LGALS4: variants seen among roughly 807,000 people sequenced by gnomAD.
The protein encoded by LGALS4 is galectin 4.
LGALS4 carries 37 observed loss-of-function variants against 39.6 expected under a neutral mutation model. The ratio of observed to expected loss-of-function variants is 0.93; its 90% CI spans 0.72 to 1.23. LGALS4 has a LOEUF of 1.23. LGALS4 is among the 50% of genes most tolerant of loss of function. The pLI is 0.00. For missense variants in LGALS4, 397 were observed against 433.2 expected (o/e 0.92, Z 0.74); for synonymous variants, 160 against 165.5 (o/e 0.97, Z 0.25).
Position 38,801,922 on chromosome 19 carries a change from AG to A in LGALS4, c.826-13del, listed in dbSNP as rs1971360811. On this transcript the variant is annotated splice_polypyrimidine_tract_variant and intron_variant, in intron 9 of 9. Coordinates refer to ENST00000307751, the MANE Select transcript of LGALS4 (RefSeq NM_006149.4). ...CAGCGAATGGACAGCTGCAGGGAGAAGGGTGGGCATGAGGCCAGGGCCAGGA... is the reference window on the plus strand; with the variant it reads ...CAGCGAATGGACAGCTGCAGGGAGAAGGTGGGCATGAGGCCAGGGCCAGGA... 2.5e-6 allele frequency: 4 copies of A among 1,614,022 alleles called. No homozygotes were observed. Among genetic ancestry groups the A allele is most frequent in the Non-Finnish European group, 3.4e-6 (4 of 1,179,998 alleles).
intron 4 of LGALS4, among the ~76,000 whole-genome samples, chr19:38,805,166 A>AAATT (rs1555719648): frequency 2.2e-4 from 27 of 121,090 alleles, no homozygotes; most frequent in African/African-American, 8.8e-4. Flanking sequence ...CCTGCCTCAA[A>AAATT]AATAATAATA....
At position 38,801,736 on chromosome 19, in the gene LGALS4, TC is replaced by T; in HGVS notation, c.*27del. The T allele has an allele frequency of 1.9e-6, 3 of 1,611,062 alleles. No individual in the cohort carries two copies. Among genetic ancestry groups the T allele is most frequent in the Non-Finnish European group, 2.5e-6 (3 of 1,178,118 alleles). On this transcript the variant is annotated 3_prime_UTR_variant, in exon 10 of 10. Coordinates refer to ENST00000307751, the MANE Select transcript of LGALS4 (RefSeq NM_006149.4). Reference sequence around the variant, plus strand: ...GGAGTCCTAGGGGATAATTCTGTTTTCCCATGAGTTATGGCCCCAGGAATAG... The same window carrying T: ...GGAGTCCTAGGGGATAATTCTGTTTTCCATGAGTTATGGCCCCAGGAATAG...
At chr19:38,804,018 TC>T in intron 4 of LGALS4, 123 bp from the exon 5 acceptor site, 1 of 1,127,892 alleles carries the variant, frequency 8.9e-7, no homozygotes, top group Non-Finnish European at 1.3e-6. Context: ...AACTCTGGCA[TC>T]AAAGGGTGGC....
At position 38,802,161 on chromosome 19, in the gene LGALS4, G is replaced by A. The variant is rs1389079177; in HGVS notation, c.660-4C>T. ...CACCTTGAAGTTGATAGCAAAGCTG[G>A]GGACAGAGAGGGATGGGGGAGTCAG... On this transcript the variant is annotated splice_region_variant and splice_polypyrimidine_tract_variant and intron_variant, in intron 8 of 9. Transcript: ENST00000307751. 1.9e-6 allele frequency: 3 copies of A among 1,613,070 alleles called. No individual in the cohort carries two copies. Among genetic ancestry groups the A allele is most frequent in the Admixed American group, 1.7e-5 (1 of 59,970 alleles).
Position 38,812,824 on chromosome 19 carries a change from C to T in LGALS4, c.45+18G>A. The T allele has an allele frequency of 2.5e-6, 4 of 1,610,212 alleles. No homozygotes were observed. The highest frequency in any genetic ancestry group is 2.5e-6 in the Non-Finnish European group (3 of 1,179,662). ...GGACGGAGCTGCGGGCGGAGTGGGG[C>T]CTGAGCTGGCATCTCACCGGGTTGT... On this transcript the variant is annotated intron_variant, in intron 1 of 9. Coordinates refer to ENST00000307751, the MANE Select transcript of LGALS4 (RefSeq NM_006149.4).
At chr19:38,804,033 C>A in intron 4 of LGALS4, 138 bp from the exon 5 acceptor site, 1 of 972,562 alleles carries the variant, frequency 1.0e-6, no homozygotes, top group East Asian at 2.6e-5. Context: ...GGGTGGCACC[C>A]CGATCACAGA....
chr19:38,809,741 C>T (rs1971471297), intron 2 of LGALS4, among the ~76,000 whole-genome samples: 1 of 147,322 alleles, frequency 6.8e-6, no homozygotes. Flanking sequence ...CCTACCACCT[C>T]GGCCTCTCAG....
intron 3 of LGALS4, among the ~76,000 whole-genome samples, chr19:38,807,796 C>A (rs1971440025): frequency 6.6e-6 from 1 of 152,194 alleles, no homozygotes; most frequent in Non-Finnish European, 1.5e-5. Flanking sequence ...AATTCTTCTG[C>A]CTTGAGTTGC....
intron 4 of LGALS4, 89 bp from the exon 5 acceptor site, chr19:38,803,984 AC>A: frequency 8.7e-7 from 1 of 1,149,064 alleles, no homozygotes; most frequent in Non-Finnish European, 1.3e-6. Flanking sequence ...GGGGTGGCCC[AC>A]CACCACCACC....
In LGALS4 at chr19:38,807,300, T is replaced by C. The variant is rs1003313546; in HGVS notation, c.340-705A>G. Among the ~76,000 whole-genome samples, 12 of 151,140 alleles carry C rather than the reference T, an allele frequency of 7.9e-5. No homozygotes were observed. The East Asian group carries it at 2.3e-3, about 30-fold the overall frequency. ...AGAGGATCACCTGAGCCCGGGGAGG[T>C]TGAGGCTGTAGTGAGCTGTTTGCAT... On this transcript the variant is annotated intron_variant, in intron 3 of 9. Coordinates refer to ENST00000307751, the MANE Select transcript of LGALS4 (RefSeq NM_006149.4).
chr19:38,801,814 C>T lies in LGALS4; in HGVS notation c.922G>A (p.Asp308Asn). ...AHRLSAFQRV[D>N]TLEIQGDVTL... ...ACATCACCCTGGATTTCCAATGTGTCCACCCTCTGGAAGGCCGAGAGGCGA... is the reference window on the plus strand; with the variant it reads ...ACATCACCCTGGATTTCCAATGTGTTCACCCTCTGGAAGGCCGAGAGGCGA... Residue 308 changes from aspartate to asparagine, a missense_variant, in exon 10 of 10, where the codon GAC (aspartate) becomes AAC (asparagine). Asp to Asn is a conservative substitution (Grantham distance 23). Transcript: ENST00000307751. 1.9e-6 allele frequency: 3 copies of T among 1,614,166 alleles called. No individual in the cohort carries two copies. The highest frequency in any genetic ancestry group is 1.7e-6 in the Non-Finnish European group (2 of 1,180,020).
chr19:38,812,513 G>C lies in LGALS4; in HGVS notation c.52C>G (p.Pro18Ala). Reference protein sequence around the residue: ...GYQPTYNPTLPYYQPIPGGLN... With the variant: ...GYQPTYNPTLAYYQPIPGGLN... Reference sequence around the variant, plus strand: ...CCGCCCGGGATGGGCTGGTAGTAAGGCAGCGTCTGGAGAAGAGGCCTGGTG... The same window carrying C: ...CCGCCCGGGATGGGCTGGTAGTAAGCCAGCGTCTGGAGAAGAGGCCTGGTG... Residue 18 changes from proline to alanine, a missense_variant, in exon 2 of 10, where the codon CCT (proline) becomes GCT (alanine). Coordinates refer to ENST00000307751, the MANE Select transcript of LGALS4 (RefSeq NM_006149.4). 6.2e-7 allele frequency: 1 copy of C among 1,614,140 alleles called. No homozygotes were observed. Among genetic ancestry groups the C allele is most frequent in the Non-Finnish European group, 8.5e-7 (1 of 1,179,974 alleles).
In LGALS4 at chr19:38,809,644, C is replaced by CTTTTTTTTTTTT. The variant is rs66473176; in HGVS notation, c.135-708_135-697dup. Among the ~76,000 whole-genome samples the CTTTTTTTTTTTT allele has an allele frequency of 8.2e-4, 61 of 74,544 alleles. 2 individuals are homozygous for CTTTTTTTTTTTT. The highest frequency in any genetic ancestry group is 1.1e-3 in the Non-Finnish European group (47 of 42,404). The allele number at this position is 74,544 out of a possible 152,430, so 48.9% of individuals were successfully genotyped here. ...TACAGGTGCATGCCACTATGCCTGG[C>CTTTTTTTTTTTT]TTTTTTTTTTTTTTTTTTTTTTTTT... On this transcript the variant is annotated intron_variant, in intron 2 of 9. Coordinates refer to ENST00000307751, the MANE Select transcript of LGALS4 (RefSeq NM_006149.4).
chr19:38,810,605 G>A (rs907615347), intron 2 of LGALS4, among the ~76,000 whole-genome samples: 4 of 151,810 alleles, frequency 2.6e-5, no homozygotes, highest in East Asian at 3.9e-4. Context: ...CTCGTGATCC[G>A]CCCGTCTCTG....
Position 38,802,413 on chromosome 19 carries a change from A to G in LGALS4, c.571-9T>C. ...CCGAAATATGGCACAGGCTGTGGGA[A>G]GAGAACGGGGGGTCCCATTCTCTCT... On this transcript the variant is annotated splice_polypyrimidine_tract_variant and intron_variant, in intron 7 of 9. Transcript: ENST00000307751. 1 of 1,611,440 alleles carries G rather than the reference A, an allele frequency of 6.2e-7. No individual in the cohort carries two copies. The highest frequency in any genetic ancestry group is 8.5e-7 in the Non-Finnish European group (1 of 1,177,502).
chr19:38,809,692 G>A (rs1485085166), intron 2 of LGALS4, among the ~76,000 whole-genome samples: 2 of 102,304 alleles, frequency 2.0e-5, no homozygotes, highest in South Asian at 3.6e-4. Flanking sequence ...GTCTCACTAT[G>A]TTGCCGAGGC....
At chr19:38,809,325 G>T (rs150395345) in intron 2 of LGALS4, among the ~76,000 whole-genome samples, 1 of 151,548 alleles carries the variant, frequency 6.6e-6, no homozygotes, top group Non-Finnish European at 1.5e-5. Flanking sequence ...GATTACAGGC[G>T]TGCACCACCA....
Position 38,802,424 on chromosome 19 carries a change from G to T in LGALS4, c.571-20C>A. 6.3e-7 allele frequency: 1 copy of T among 1,583,288 alleles called. No homozygotes were observed. Among genetic ancestry groups the T allele is most frequent in the Non-Finnish European group, 8.7e-7 (1 of 1,151,972 alleles). On this transcript the variant is annotated intron_variant, in intron 7 of 9. Transcript: ENST00000307751. ...CACAGGCTGTGGGAAGAGAACGGGG[G>T]GTCCCATTCTCTCTCAGCTTAGCAG...
rs1253199103 is a variant in LGALS4, at chr19:38,808,744, C to T, written c.339G>A (p.Lys113=). The part of the protein sequence containing the change: ...LVFIVLAEHY[K]VVVNGNPFYE... ...GAAACAAGAGAGAAAGCATGCAGAC[C>T]TTGTAGTGCTCAGCCAGGACTATGA... Residue 113 remains lysine, a splice_region_variant and synonymous_variant, in exon 3 of 10, where the codon AAG becomes AAA. Transcript: ENST00000307751. 3 of 1,613,852 alleles carry T rather than the reference C, an allele frequency of 1.9e-6. No homozygotes were observed. The highest frequency in any genetic ancestry group is 2.5e-6 in the Non-Finnish European group (3 of 1,179,846).
Sources: allele counts gnomAD v4.1 joint callset (sites outside exome capture counted in the v4.1 genomes callset), GRCh38; gene constraint gnomAD v4.1.1; transcripts MANE v1.5; gene names NCBI Gene and HGNC (gene_info 2026-07-23, HGNC 2026-07-21).